Variants in ZNF724 observed in about 807,000 individuals in gnomAD.
ZNF724 encodes the protein zinc finger protein 724.
Under a neutral mutation model 29.3 loss-of-function variants are expected in ZNF724, and 14 were observed. The observed-to-expected ratio is 0.48, with a 90% CI of 0.32 to 0.75. The LOEUF is 0.75. ZNF724 is among the 30% of genes least tolerant of loss of function. The probability of loss-of-function intolerance (pLI) is 0.04; values close to 1 mark genes in which losing one functional copy is unlikely to be tolerated. For missense variants in ZNF724, 557 were observed against 571.2 expected (o/e 0.98, Z 0.25); for synonymous variants, 180 against 193.6 (o/e 0.93, Z 0.58).
intron 1 of ZNF724, among the ~76,000 whole-genome samples, chr19:23,246,796 A>G (rs1450382174): frequency 6.6e-6 from 1 of 152,206 alleles, no homozygotes; most frequent in African/African-American, 2.4e-5. Context: ...GCAATTATCT[A>G]CCACATTTTC....
In ZNF724 at chr19:23,223,041, C is replaced by A; in HGVS notation, c.1204G>T (p.Ala402Ser). Residue 402 changes from alanine (A) to serine (S), a missense_variant, in exon 4 of 4, where the codon GCC becomes TCC. Ala to Ser is a moderately conservative substitution (Grantham distance 99). Around this residue, in one of 3 missense-constraint regions of ZNF724, gnomAD observed 362 missense variants for 295.5 expected, o/e 1.22. Coordinates refer to ENST00000418100, the MANE Select transcript of ZNF724 (RefSeq NM_001355404.2). The stretch of plus-strand genomic sequence containing the variant: ...GTGAGGTGTGAGGATGTGTTAAAGG[C>A]TTTGCCACATTCTTCACATTTGTAT... ...KPYKCEECGK[A>S]FNTSSHLTTH... 1 of 1,309,342 alleles carries A rather than the reference C, an allele frequency of 7.6e-7. No individual in the cohort carries two copies. The highest frequency in any genetic ancestry group is 1.2e-5 in the South Asian group (1 of 84,596). 81.1% of individuals were successfully genotyped at this position (1,309,342 alleles called of 1,614,324 possible).
rs756966436 is a variant in ZNF724 at position 23,250,220 on chromosome 19, G to A, written c.3+20C>T. The A allele has an allele frequency of 3.1e-6, 2 of 645,458 alleles. No individual in the cohort carries two copies. Among genetic ancestry groups the A allele is most frequent in the East Asian group, 9.7e-5 (2 of 20,724 alleles). The allele number at this position is 645,458 out of a possible 1,614,324, so 40.0% of individuals were successfully genotyped here. ...CCAGCCCCTCCCTCTCTCTCCGGAT[G>A]TCGGAGCCGCCACTCTCACCATTTC... is the stretch of plus-strand genomic sequence containing the variant. On this transcript the variant is annotated intron_variant, in intron 1 of 3. Transcript: ENST00000418100.
At chr19:23,233,635 GA>G (rs1004929833) in intron 1 of ZNF724, among the ~76,000 whole-genome samples, 8 of 151,934 alleles carry the variant, frequency 5.3e-5, no homozygotes, top group African/African-American at 1.9e-4. Flanking sequence ...ATATAGGAAA[GA>G]AATATTTTTC....
chr19:23,249,708 A>C (rs910072851), intron 1 of ZNF724, among the ~76,000 whole-genome samples: 3 of 151,136 alleles, frequency 2.0e-5, no homozygotes, highest in Non-Finnish European at 4.4e-5. Context: ...TAATTTTTAT[A>C]TTTTTAGTAG....
Position 23,222,339 on chromosome 19 carries a change from A to T in ZNF724, c.*46T>A. The T allele has an allele frequency of 1.3e-6, 1 of 783,064 alleles. No individual in the cohort carries two copies. Among genetic ancestry groups the T allele is most frequent in the Non-Finnish European group, 2.0e-6 (1 of 487,900 alleles). The allele number at this position is 783,064 out of a possible 1,614,324, so 48.5% of individuals were successfully genotyped here. A position where few individuals can be genotyped will look rare whatever the true frequency, so the allele number is the denominator to read the frequency against. On this transcript the variant is annotated 3_prime_UTR_variant, in exon 4 of 4. Coordinates refer to ENST00000418100, the MANE Select transcript of ZNF724 (RefSeq NM_001355404.2). The stretch of plus-strand genomic sequence containing the variant: ...TGATCCACCCGCCTTGGCCTCCCAA[A>T]GTGCTGGGATTACAGGTGTGAGCCA...
intron 1 of ZNF724, among the ~76,000 whole-genome samples, chr19:23,240,986 T>C (rs982856240): frequency 6.6e-6 from 1 of 151,600 alleles, no homozygotes; most frequent in African/African-American, 2.4e-5. Flanking sequence ...TGAGCCAAGA[T>C]CACGCCAGTG....
At chr19:23,231,223 G>T in intron 3 of ZNF724, 43 bp downstream of exon 3, 3 of 1,215,522 alleles carry the variant, frequency 2.5e-6, no homozygotes, top group Admixed American at 2.1e-5. Flanking sequence ...CTTGACATTT[G>T]GACCTCTCAT....
chr19:23,243,050 AAAAAAAAAG>A (rs1487469804), intron 1 of ZNF724, among the ~76,000 whole-genome samples: 8 of 144,426 alleles, frequency 5.5e-5, no homozygotes, highest in South Asian at 2.3e-4. Flanking sequence ...AAAAAAAAAA[AAAAAAAAAG>A]AAAGAAAGAA....
chr19:23,230,381 T>A (rs1223874926), intron 3 of ZNF724, among the ~76,000 whole-genome samples: 1 of 152,256 alleles, frequency 6.6e-6, no homozygotes, highest in African/African-American at 2.4e-5. Flanking sequence ...AACACAATCA[T>A]AAAATTTACT....
At chr19:23,246,156 G>C (rs1243045043) in intron 1 of ZNF724, among the ~76,000 whole-genome samples, 1 of 151,896 alleles carries the variant, frequency 6.6e-6, no homozygotes, top group African/African-American at 2.4e-5. Context: ...CTCAGTGTTT[G>C]AAAAATCAAG....
intron 3 of ZNF724, 45 bp downstream of exon 3, chr19:23,231,221 T>G (rs745444842): frequency 3.3e-6 from 4 of 1,214,004 alleles, no homozygotes; most frequent in East Asian, 4.9e-5. Context: ...TCCTTGACAT[T>G]TGGACCTCTC....
chr19:23,223,783 A>C lies in ZNF724; in HGVS notation c.462T>G (p.Phe154Leu). 9 of 771,072 alleles carry C rather than the reference A, an allele frequency of 1.2e-5. No homozygotes were observed. The highest frequency in any genetic ancestry group is 1.9e-5 in the Non-Finnish European group (8 of 413,510). 47.8% of individuals were successfully genotyped at this position (771,072 alleles called of 1,614,324 possible). The change falls in exon 4 of 4, where the codon TTT (phenylalanine) becomes TTG (leucine). Residue 154 changes from phenylalanine (F) to leucine (L), a missense_variant. Phe to Leu is a conservative substitution (Grantham distance 22). Coordinates refer to ENST00000418100, the MANE Select transcript of ZNF724 (RefSeq NM_001355404.2). ...IFQCDKYVKD[F>L]HKFSNSNRHK... ...GTCTATTTGAATTTGAAAATTTATG[A>C]AAGTCTTTCACATATTTATCACACT...
At chr19:23,243,743 T>G (rs1422092134) in intron 1 of ZNF724, among the ~76,000 whole-genome samples, 1 of 151,382 alleles carries the variant, frequency 6.6e-6, no homozygotes, top group African/African-American at 2.4e-5. Context: ...GTCCACATGA[T>G]GAAACCTCGT....
intron 3 of ZNF724, among the ~76,000 whole-genome samples, chr19:23,229,320 C>T (rs771979358): frequency 5.3e-5 from 8 of 152,174 alleles, no homozygotes; most frequent in Non-Finnish European, 1.2e-4. Context: ...AGGTCCTGCC[C>T]TTCCAGAGGC....
chr19:23,243,952 T>A (rs201873763), intron 1 of ZNF724, among the ~76,000 whole-genome samples: 37 of 141,862 alleles, frequency 2.6e-4, no homozygotes, highest in Admixed American at 6.4e-4. Flanking sequence ...ATTAAATAAA[T>A]AAAAAAAAAA....
At chr19:23,230,946 C>T (rs752991837) in intron 3 of ZNF724, 7 of 166,188 alleles carry the variant, frequency 4.2e-5, no homozygotes, top group African/African-American at 7.2e-5. Flanking sequence ...TGCAATGGCG[C>T]GATCTCAGCT....
Position 23,247,332 on chromosome 19 carries a change from CCTGT to C in ZNF724, c.3+2904_3+2907del, listed in dbSNP as rs528549748. On this transcript the variant is annotated intron_variant, in intron 1 of 3. Transcript: ENST00000418100. The stretch of plus-strand genomic sequence containing the variant: ...ATATATGAGTAGGTATTTTTTGAAA[CCTGT>C]CTATTTTATGTTTTTGTAAATATTT... 2.2e-3 allele frequency among the ~76,000 whole-genome samples: 340 copies of C among 152,130 alleles called. 2 individuals carry two copies. Among genetic ancestry groups the C allele is most frequent in the African/African-American group, 7.7e-3 (321 of 41,502 alleles).
In ZNF724 at chr19:23,224,021, G is replaced by T; in HGVS notation, c.227-3C>A. 1.6e-6 allele frequency: 1 copy of T among 635,666 alleles called. No individual in the cohort carries two copies. The highest frequency in any genetic ancestry group is 1.9e-5 in the South Asian group (1 of 51,674). 39.4% of individuals were successfully genotyped at this position (635,666 alleles called of 1,614,324 possible). A position where few individuals can be genotyped will look rare whatever the true frequency, so the allele number is the denominator to read the frequency against. ...TTGGGCAAAATAACAACACATACCT[G>T]AAAGAAATAAAAATAACAACTTACT... On this transcript the variant is annotated splice_region_variant and splice_polypyrimidine_tract_variant and intron_variant, in intron 3 of 3. Coordinates refer to ENST00000418100, the MANE Select transcript of ZNF724 (RefSeq NM_001355404.2).
chr19:23,237,713 G>A (rs1394067231), intron 1 of ZNF724, among the ~76,000 whole-genome samples: 1 of 59,656 alleles, frequency 1.7e-5, no homozygotes, highest in Non-Finnish European at 3.3e-5. Flanking sequence ...GCAAGAACCC[G>A]TCTTAAAAAA....
Sources: allele counts gnomAD v4.1 joint callset (sites outside exome capture counted in the v4.1 genomes callset), GRCh38; gene constraint gnomAD v4.1.1; regional missense constraint gnomAD v4.1.1; transcripts MANE v1.5; gene names NCBI Gene and HGNC (gene_info 2026-07-23, HGNC 2026-07-21).